The following LYN variants were observed in gnomAD, a reference collection of about 807,000 sequenced individuals.
The protein encoded by LYN is LYN proto-oncogene, Src family tyrosine kinase.
A neutral mutation model predicts 65.0 loss-of-function variants in LYN; 12 were observed. That is an observed-to-expected ratio of 0.18 (90% CI 0.12 to 0.30). LYN has a LOEUF of 0.30. Among genes scored for constraint, LYN ranks in the 10% least tolerant of loss-of-function variants. The pLI is 1.00. For synonymous variants in LYN, 222 were observed against 221.2 expected, an observed-to-expected ratio of 1.00 and a Z score of -0.03; for missense variants, 380 against 623.2, an observed-to-expected ratio of 0.61 and a Z score of 4.16.
chr8:55,972,669 G>A (rs965990790), intron 10 of LYN, among the ~76,000 whole-genome samples: 4 of 152,076 alleles, frequency 2.6e-5, no homozygotes, highest in Admixed American at 1.3e-4. Flanking sequence ...TCTCTATCAT[G>A]TGCCACTAAT....
In LYN at chr8:55,909,010, TACACACACACACACACACACACAC is replaced by T. The variant is rs369256669; in HGVS notation, c.-6+28926_-6+28949del. Among the ~76,000 whole-genome samples, 7 of 32,250 alleles carry T rather than the reference TACACACACACACACACACACACAC, an allele frequency of 2.2e-4. 2 individuals carry two copies. Among genetic ancestry groups the T allele is most frequent in the African/African-American group, 8.0e-4 (7 of 8,720 alleles). 21.2% of individuals were successfully genotyped at this position (32,250 alleles called of 152,430 possible). The stretch of plus-strand genomic sequence containing the variant: ...GTATGTATATATATATATATATATA[TACACACACACACACACACACACAC>T]ACACACACACACACACACCCCACAT... On this transcript the variant is annotated intron_variant, in intron 1 of 12. Transcript: ENST00000519728.
chr8:55,883,628 T>A (rs1268391366), intron 1 of LYN, among the ~76,000 whole-genome samples: 1 of 152,162 alleles, frequency 6.6e-6, no homozygotes, highest in Admixed American at 6.5e-5. Flanking sequence ...GTGCTGGGAG[T>A]GTCTCCCTGT....
intron 1 of LYN, among the ~76,000 whole-genome samples, chr8:55,940,626 G>A (rs1397409998): frequency 6.6e-6 from 1 of 152,120 alleles, no homozygotes; most frequent in African/African-American, 2.4e-5. Flanking sequence ...CGCCTTCCTT[G>A]GCTTCACAAA....
chr8:56,006,735 A>G (rs1163149846), intron 12 of LYN, among the ~76,000 whole-genome samples: 5 of 152,190 alleles, frequency 3.3e-5, no homozygotes, highest in African/African-American at 1.2e-4. Context: ...AGGAGGAAGG[A>G]TGGAAAGTGA....
At chr8:55,888,142 A>T (rs1485010233) in intron 1 of LYN, among the ~76,000 whole-genome samples, 1 of 152,204 alleles carries the variant, frequency 6.6e-6, no homozygotes, top group Non-Finnish European at 1.5e-5. Flanking sequence ...TCAGTTTAGC[A>T]AACTTTTCCT....
intron 10 of LYN, among the ~76,000 whole-genome samples, chr8:55,974,227 T>A (rs1257824892): frequency 6.6e-6 from 1 of 152,226 alleles, no homozygotes; most frequent in African/African-American, 2.4e-5. Flanking sequence ...ATGGTTACAG[T>A]TGCTGTTATG....
At chr8:55,913,327 A>G (rs905454901) in intron 1 of LYN, among the ~76,000 whole-genome samples, 1 of 152,240 alleles carries the variant, frequency 6.6e-6, no homozygotes. Flanking sequence ...AGTGAGTATA[A>G]GAATTACCTA....
At chr8:55,931,368 A>G (rs1170659403) in intron 1 of LYN, among the ~76,000 whole-genome samples, 1 of 150,518 alleles carries the variant, frequency 6.6e-6, no homozygotes, top group Non-Finnish European at 1.5e-5. Flanking sequence ...AATGGAAAAC[A>G]TTTTTAAAAT....
intron 8 of LYN, among the ~76,000 whole-genome samples, chr8:55,957,144 T>A (rs1341509081): frequency 6.6e-6 from 1 of 152,044 alleles, no homozygotes; most frequent in Non-Finnish European, 1.5e-5. Flanking sequence ...TAATTTGACT[T>A]CCCTAGCCTC....
intron 10 of LYN, among the ~76,000 whole-genome samples, chr8:55,996,976 C>T (rs1186811514): frequency 6.6e-6 from 1 of 151,958 alleles, no homozygotes; most frequent in Non-Finnish European, 1.5e-5. Flanking sequence ...CAAAAACTAG[C>T]ATGGTGAAAC....
chr8:55,907,168 A>C (rs1034255391), intron 1 of LYN, among the ~76,000 whole-genome samples: 9 of 152,236 alleles, frequency 5.9e-5, no homozygotes, highest in Admixed American at 5.9e-4. Context: ...AATATTATGC[A>C]ACCCTGGAAA....
intron 1 of LYN, among the ~76,000 whole-genome samples, chr8:55,904,985 A>C (rs1015373761): frequency 1.3e-5 from 2 of 152,188 alleles, no homozygotes; most frequent in Non-Finnish European, 2.9e-5. Flanking sequence ...TCCCTAACCA[A>C]TGAAATGGGA....
At chr8:55,918,610 T>C (rs1029177406) in intron 1 of LYN, among the ~76,000 whole-genome samples, 6 of 152,228 alleles carry the variant, frequency 3.9e-5, no homozygotes, top group Admixed American at 6.5e-5. Flanking sequence ...TAAGTGATGT[T>C]GACCAGAGCC....
At chr8:55,951,338 C>T (rs777105867) in intron 6 of LYN, among the ~76,000 whole-genome samples, 1 of 151,904 alleles carries the variant, frequency 6.6e-6, no homozygotes, top group Non-Finnish European at 1.5e-5. Flanking sequence ...GAGCCTTTTG[C>T]ATTATTATTT....
chr8:55,983,220 C>G (rs975415158), intron 10 of LYN, among the ~76,000 whole-genome samples: 79 of 152,208 alleles, frequency 5.2e-4, no homozygotes, highest in Middle Eastern at 3.4e-3. Context: ...CCCACCTTCC[C>G]TTTCTCTGCC....
intron 1 of LYN, among the ~76,000 whole-genome samples, chr8:55,912,321 A>G (rs1805659765): frequency 6.6e-6 from 1 of 152,248 alleles, no homozygotes; most frequent in African/African-American, 2.4e-5. Context: ...AAGCCAGTCA[A>G]GGAAAGAAAT....
At position 55,966,706 on chromosome 8, in the gene LYN, T is replaced by A. The variant is rs777567059; in HGVS notation, c.791-9T>A. 1.0e-5 allele frequency: 16 copies of A among 1,607,768 alleles called. No homozygotes were observed. In the Admixed American group the frequency reaches 2.4e-4, roughly 24 times the overall value. ...TATAAAGCATGCCCGCCTTCTTTTT[T>A]CTTCCTAGGTTACTATAACAACAGT... is the stretch of plus-strand genomic sequence containing the variant. On this transcript the variant is annotated splice_polypyrimidine_tract_variant and intron_variant, in intron 8 of 12. Coordinates refer to ENST00000519728, the MANE Select transcript of LYN (RefSeq NM_002350.4).
intron 8 of LYN, among the ~76,000 whole-genome samples, chr8:55,956,102 T>A (rs906589689): frequency 2.0e-5 from 3 of 149,082 alleles, no homozygotes; most frequent in African/African-American, 7.4e-5. Flanking sequence ...AAAACTATTA[T>A]ATGCTCATTA....
chr8:55,911,095 ATATACATACACG>A (rs1805592870), intron 1 of LYN, among the ~76,000 whole-genome samples: 2 of 33,448 alleles, frequency 6.0e-5, no homozygotes, highest in Non-Finnish European at 1.1e-4. Context: ...ATATATATAT[ATATACATACACG>A]TATATATACG....
Sources: allele counts gnomAD v4.1 joint callset (sites outside exome capture counted in the v4.1 genomes callset), GRCh38; gene constraint gnomAD v4.1.1; transcripts MANE v1.5; gene names NCBI Gene and HGNC (gene_info 2026-07-23, HGNC 2026-07-21).